SIPA1L3: variants seen among roughly 807,000 people sequenced by gnomAD.
SIPA1L3 encodes the protein signal induced proliferation associated 1 like 3.
In SIPA1L3, 59 loss-of-function variants were observed where a neutral mutation model predicts 150.1. The ratio of observed to expected loss-of-function variants is 0.39; its 90% CI spans 0.32 to 0.49. The LOEUF (loss-of-function observed/expected upper bound fraction) is 0.49. Ranked by LOEUF, SIPA1L3 falls within the 20% of genes least tolerant of loss-of-function variation. The probability of loss-of-function intolerance (pLI) is 0.86; values close to 1 mark genes in which losing one functional copy is unlikely to be tolerated. For missense variants in SIPA1L3, 2,211 were observed against 2,489.5 expected (o/e 0.89, Z 2.38); for synonymous variants, 1,070 against 1,077.6 (o/e 0.99, Z 0.14).
At chr19:38,171,050 TG>T (rs1325372913) in intron 15 of SIPA1L3, among the ~76,000 whole-genome samples, 14 of 152,292 alleles carry the variant, frequency 9.2e-5, no homozygotes, top group East Asian at 5.8e-4. Flanking sequence ...TACACACATA[TG>T]TTTTTTTTTA....
At chr19:38,008,005 A>G (rs1967999233) in intron 1 of SIPA1L3, among the ~76,000 whole-genome samples, 1 of 152,034 alleles carries the variant, frequency 6.6e-6, no homozygotes, top group Non-Finnish European at 1.5e-5. Flanking sequence ...CAGCGTCTAG[A>G]GCAGTGCCTG....
chr19:37,954,731 T>C (rs1258107709), intron 1 of SIPA1L3, among the ~76,000 whole-genome samples: 1 of 152,072 alleles, frequency 6.6e-6, no homozygotes, highest in Non-Finnish European at 1.5e-5. Flanking sequence ...ACAGAAGTTG[T>C]CACCACCACC....
intron 4 of SIPA1L3, among the ~76,000 whole-genome samples, chr19:38,091,437 A>G (rs1970255589): frequency 6.6e-6 from 1 of 152,162 alleles, no homozygotes; most frequent in Non-Finnish European, 1.5e-5. Flanking sequence ...TATGAAGGCT[A>G]TTATTACTGC....
At position 37,934,596 on chromosome 19, in the gene SIPA1L3, A is replaced by G. The variant is rs553875900; in HGVS notation, c.-379+27238A>G. 3.3e-5 allele frequency among the ~76,000 whole-genome samples: 5 copies of G among 152,338 alleles called. No individual in the cohort carries two copies. The Middle Eastern group carries it at 0.01, about 311-fold the overall frequency. ...AGATAGCAAATTAGATTTAAGAAAG[A>G]CAATTCTTTTTAAGAATTCTTTTCA... On this transcript the variant is annotated intron_variant, in intron 1 of 21. Transcript: ENST00000222345.
At chr19:38,170,412 C>G (rs575554724) in intron 15 of SIPA1L3, among the ~76,000 whole-genome samples, 77 of 152,318 alleles carry the variant, frequency 5.1e-4, no homozygotes, top group African/African-American at 1.8e-3. Context: ...CCCTCATGTG[C>G]TGTCGTCAGA....
intron 15 of SIPA1L3, among the ~76,000 whole-genome samples, chr19:38,180,537 C>CT (rs60445902): frequency 0.077 from 9,529 of 124,556 alleles, 944 homozygotes; most frequent in African/African-American, 0.22. Context: ...TTTTTCTTTT[C>CT]TTTTTTTTTT....
intron 16 of SIPA1L3, among the ~76,000 whole-genome samples, chr19:38,189,493 C>T (rs1054938159): frequency 6.6e-6 from 1 of 151,646 alleles, no homozygotes; most frequent in Non-Finnish European, 1.5e-5. Context: ...TGGCCAGGCG[C>T]GGTGGCCCAT....
chr19:37,992,197 C>T (rs551970953), intron 1 of SIPA1L3, among the ~76,000 whole-genome samples: 134 of 152,318 alleles, frequency 8.8e-4, no homozygotes, highest in African/African-American at 3.2e-3. Context: ...CTTAAGGCTG[C>T]GGGGTTCACT....
At chr19:38,114,041 A>G (rs1970827965) in intron 8 of SIPA1L3, among the ~76,000 whole-genome samples, 2 of 152,178 alleles carry the variant, frequency 1.3e-5, no homozygotes, top group South Asian at 4.1e-4. Context: ...AGCCGTTTGC[A>G]ATTTTATGAT....
chr19:37,969,421 G>C (rs1367731718), intron 1 of SIPA1L3, among the ~76,000 whole-genome samples: 1 of 151,372 alleles, frequency 6.6e-6, no homozygotes, highest in Non-Finnish European at 1.5e-5. Flanking sequence ...GCATGGTGGC[G>C]GGTGCCTGTA....
intron 1 of SIPA1L3, among the ~76,000 whole-genome samples, chr19:37,940,945 A>G (rs1160354462): frequency 6.6e-6 from 1 of 152,074 alleles, no homozygotes; most frequent in African/African-American, 2.4e-5. Flanking sequence ...TTTGTCCTGT[A>G]TATGATCAGG....
chr19:38,125,497 TGGC>T (rs1971151414), intron 9 of SIPA1L3, among the ~76,000 whole-genome samples: 2 of 152,068 alleles, frequency 1.3e-5, no homozygotes, highest in African/African-American at 4.8e-5. Context: ...TGCCTACTGT[TGGC>T]GGAGTCCTTT....
intron 2 of SIPA1L3, among the ~76,000 whole-genome samples, chr19:38,050,235 C>T (rs775360218): frequency 1.3e-5 from 2 of 152,144 alleles, no homozygotes; most frequent in Non-Finnish European, 2.9e-5. Context: ...GCAGGTGGAT[C>T]ACTTGACGTC....
rs542753643 is a variant in SIPA1L3 at position 38,162,299 on chromosome 19, C to G, written c.3708C>G (p.Ala1236=). The change falls in exon 14 of 22, where the codon GCC becomes GCG. Residue 1236 remains alanine (A), a synonymous_variant. Transcript: ENST00000222345. ...CCCAGGCCAGGCTCTCAGCCATAGC[C>G]GGAAGCAGCGGGAACAAGCACCCGT... is the stretch of plus-strand genomic sequence containing the variant. ...VPAQARLSAI[A]GSSGNKHPSR... The G allele has an allele frequency of 1.9e-6, 3 of 1,614,096 alleles. No homozygotes were observed. Among genetic ancestry groups the G allele is most frequent in the Admixed American group, 1.7e-5 (1 of 60,010 alleles).
At chr19:38,045,349 G>A (rs1003430158) in intron 2 of SIPA1L3, among the ~76,000 whole-genome samples, 7 of 151,868 alleles carry the variant, frequency 4.6e-5, no homozygotes, top group Non-Finnish European at 1.0e-4. Context: ...CTGCACTCCA[G>A]CCTGGGTGAC....
At chr19:38,079,465 A>AGTGG (rs1442357031) in intron 2 of SIPA1L3, among the ~76,000 whole-genome samples, 1 of 152,068 alleles carries the variant, frequency 6.6e-6, no homozygotes, top group Non-Finnish European at 1.5e-5. Context: ...AAGAAAGTAG[A>AGTGG]GTGGGTAATT....
intron 1 of SIPA1L3, among the ~76,000 whole-genome samples, chr19:37,969,353 A>C (rs1339115015): frequency 6.6e-6 from 1 of 152,222 alleles, no homozygotes; most frequent in Non-Finnish European, 1.5e-5. Context: ...GGGATTTGAG[A>C]CCAGCCTGAC....
chr19:38,062,925 T>C (rs539371973), intron 2 of SIPA1L3, among the ~76,000 whole-genome samples: 126 of 152,284 alleles, frequency 8.3e-4, no homozygotes, highest in Admixed American at 3.7e-3. Flanking sequence ...ACAACAGATG[T>C]TCTCAAATGG....
rs868511594 is a variant in SIPA1L3 at position 37,917,993 on chromosome 19, A to G, written c.-379+10635A>G. Among the ~76,000 whole-genome samples the G allele has an allele frequency of 2.4e-4, 36 of 151,966 alleles. 1 individual carries two copies. Among genetic ancestry groups the G allele is most frequent in the Middle Eastern group, 6.8e-3 (2 of 294 alleles). ...GCACTCCAGCCTGGGTGACGGAGAA[A>G]GACCCTGTCTCAAAAAAAAAAGAAG... On this transcript the variant is annotated intron_variant, in intron 1 of 21. Coordinates refer to ENST00000222345, the MANE Select transcript of SIPA1L3 (RefSeq NM_015073.3).
Sources: gnomAD v4.1 joint callset for allele counts (sites outside exome capture counted in the v4.1 genomes callset) on GRCh38, gnomAD v4.1.1 for gene constraint, MANE v1.5 for transcripts, NCBI Gene and HGNC (gene_info 2026-07-23, HGNC 2026-07-21) for gene names.